The following PTCHD1 variants were observed in gnomAD, a reference collection of about 807,000 sequenced individuals.
The protein encoded by PTCHD1 is patched domain containing 1.
Under a neutral mutation model 34.6 loss-of-function variants are expected in PTCHD1, and 3 were observed. That is an observed-to-expected ratio of 0.09 (90% CI 0.04 to 0.22). PTCHD1 has a LOEUF of 0.22. Among genes scored for constraint, PTCHD1 ranks in the 10% least tolerant of loss-of-function variants. The pLI, the probability that PTCHD1 is intolerant of heterozygous loss-of-function variation, is 1.00. For synonymous variants in PTCHD1, 305 were observed against 283.1 expected (o/e 1.08, Z -0.77); for missense variants, 504 against 685.5 (o/e 0.74, Z 2.96).
intron 1 of PTCHD1, among the ~76,000 whole-genome samples, chrX:23,367,879 C>A (rs1221501419): frequency 9.0e-6 from 1 of 111,526 alleles, no homozygotes; most frequent in Non-Finnish European, 1.9e-5. Flanking sequence ...GTGCTTGCAT[C>A]GTCTGAGACA....
chrX:23,389,774 G>C (rs927390072), intron 2 of PTCHD1, among the ~76,000 whole-genome samples: 3 of 111,757 alleles, frequency 2.7e-5, no homozygotes, highest in African/African-American at 6.5e-5. Context: ...AAGAAAATTA[G>C]AATTCTCTTT....
chrX:23,340,343 T>C (rs975095584), intron 1 of PTCHD1, among the ~76,000 whole-genome samples: 1 of 111,980 alleles, frequency 8.9e-6, no homozygotes, highest in Non-Finnish European at 1.9e-5. Context: ...CTCTCTTCGA[T>C]GGCTCTGTCC....
In PTCHD1 at chrX:23,390,345, A is replaced by C. The variant is rs1335532798; in HGVS notation, c.1013-2186A>C. ...TGGCCCCAGGAAAAAAAAAAAAAAA[A>C]CAAAAAAAACAATATTATTTCTTCA... is the stretch of plus-strand genomic sequence containing the variant. On this transcript the variant is annotated intron_variant, in intron 2 of 2. Transcript: ENST00000379361. Among the ~76,000 whole-genome samples, 5 of 109,059 alleles carry C rather than the reference A, an allele frequency of 4.6e-5. No individual in the cohort carries two copies. In the South Asian group the frequency reaches 2.0e-3, roughly 43 times the overall value. The allele number at this position is 109,059 out of a possible 115,157, so 94.7% of individuals were successfully genotyped here. A position where few individuals can be genotyped will look rare whatever the true frequency, so the allele number is the denominator to read the frequency against.
chrX:23,393,028 G>T lies in PTCHD1; in HGVS notation c.1510G>T (p.Val504Leu). ...WITNTYVKPF[V>L]VLFYLIYISF... ...AACCAACACCTATGTCAAGCCTTTT[G>T]TAGTTCTCTTTTACCTTATTTATAT... Residue 504 changes from valine (V) to leucine (L), a missense_variant, in exon 3 of 3, where the codon GTA becomes TTA. Val to Leu is a conservative substitution (Grantham distance 32). Transcript: ENST00000379361. 8.3e-7 allele frequency: 1 copy of T among 1,211,588 alleles called. No homozygotes were observed.
intron 1 of PTCHD1, among the ~76,000 whole-genome samples, chrX:23,365,062 C>G (rs1049952989): frequency 9.0e-6 from 1 of 111,517 alleles, no homozygotes; most frequent in African/African-American, 3.3e-5. Flanking sequence ...TAGCCTTAAG[C>G]CTTAATGAAA....
chrX:23,373,677 T>C (rs1385561506), intron 1 of PTCHD1, among the ~76,000 whole-genome samples: 2 of 112,074 alleles, frequency 1.8e-5, no homozygotes, highest in African/African-American at 6.5e-5. Flanking sequence ...AGACAGAACA[T>C]AACACCAAGG....
intron 1 of PTCHD1, among the ~76,000 whole-genome samples, chrX:23,339,245 A>C (rs1921246578): frequency 8.9e-6 from 1 of 112,587 alleles, no homozygotes; most frequent in East Asian, 2.8e-4. Context: ...TTACAACTTT[A>C]CAGACAGTTA....
In PTCHD1 at chrX:23,393,975, G is replaced by A. The variant is rs766802508; in HGVS notation, c.2457G>A (p.Leu819=). ...LIPLAAVPSN[L]TCTLFRCLFL... is the part of the protein sequence containing the mutation. ...CTCTTGCAGCTGTGCCTTCAAATCT[G>A]ACCTGTACACTGTTCAGGTGCTTGT... The change falls in exon 3 of 3, where the codon CTG becomes CTA. Residue 819 remains leucine (L), a synonymous_variant. Coordinates refer to ENST00000379361, the MANE Select transcript of PTCHD1 (RefSeq NM_173495.3). 2.5e-6 allele frequency: 3 copies of A among 1,209,637 alleles called. No individual in the cohort carries two copies. In the East Asian group the frequency reaches 8.9e-5, roughly 36 times the overall value.
Position 23,335,154 on chromosome X carries a change from C to T in PTCHD1, c.279C>T (p.Tyr93=). 8.3e-7 allele frequency: 1 copy of T among 1,212,105 alleles called. No homozygotes were observed. Among genetic ancestry groups the T allele is most frequent in the Non-Finnish European group, 1.1e-6 (1 of 895,397 alleles). ...CGGACCTGCAGACCCCCGGGCGCTA[C>T]GGCCGGGTCATCGTCACCTCCTTCC... ...LYSDLQTPGR[Y]GRVIVTSFQK... is the part of the protein sequence containing the mutation. The change falls in exon 1 of 3, where the codon TAC becomes TAT. Residue 93 remains tyrosine (Y), a synonymous_variant. Transcript: ENST00000379361.
At chrX:23,390,344 A>AC (rs2146649717) in intron 2 of PTCHD1, among the ~76,000 whole-genome samples, 1 of 109,598 alleles carries the variant, frequency 9.1e-6, no homozygotes, top group East Asian at 2.8e-4. Context: ...AAAAAAAAAA[A>AC]ACAAAAAAAA....
intron 1 of PTCHD1, among the ~76,000 whole-genome samples, chrX:23,377,575 GGTGTGT>G (rs748957859): frequency 4.0e-3 from 363 of 90,510 alleles, no homozygotes; most frequent in South Asian, 0.013. Flanking sequence ...GCCTCCTAGG[GGTGTGT>G]GTGTGTGTGT....
At chrX:23,357,658 TTTATTA>T (rs199783783) in intron 1 of PTCHD1, among the ~76,000 whole-genome samples, 1 of 110,604 alleles carries the variant, frequency 9.0e-6, no homozygotes, top group Admixed American at 9.6e-5. Context: ...CCACAGCTTT[TTTATTA>T]TTATTATTGT....
At chrX:23,359,094 T>G (rs1921897317) in intron 1 of PTCHD1, among the ~76,000 whole-genome samples, 1 of 112,408 alleles carries the variant, frequency 8.9e-6, no homozygotes, top group Admixed American at 9.4e-5. Context: ...TGCCTCCAGC[T>G]TTGTTCTTTT....
intron 1 of PTCHD1, among the ~76,000 whole-genome samples, chrX:23,372,140 T>G (rs1922294333): frequency 9.1e-6 from 1 of 109,964 alleles, no homozygotes; most frequent in Non-Finnish European, 1.9e-5. Flanking sequence ...ATGAAAAAAT[T>G]AAAACAAGAA....
At chrX:23,365,289 A>G (rs1281128929) in intron 1 of PTCHD1, among the ~76,000 whole-genome samples, 1 of 111,931 alleles carries the variant, frequency 8.9e-6, no homozygotes. Context: ...GTGTTCAAAT[A>G]TGGCTGTGTG....
chrX:23,385,283 G>C (rs1245639321), intron 2 of PTCHD1, among the ~76,000 whole-genome samples: 1 of 111,483 alleles, frequency 9.0e-6, no homozygotes, highest in East Asian at 2.8e-4. Context: ...ATAGGTTTAG[G>C]GGAATGGAAC....
chrX:23,364,560 C>T (rs1922086657), intron 1 of PTCHD1, among the ~76,000 whole-genome samples: 1 of 111,573 alleles, frequency 9.0e-6, no homozygotes, highest in Non-Finnish European at 1.9e-5. Flanking sequence ...TGACATCCAA[C>T]TCACTGCCAT....
At chrX:23,358,546 A>G (rs2060469667) in intron 1 of PTCHD1, among the ~76,000 whole-genome samples, 1 of 111,850 alleles carries the variant, frequency 8.9e-6, no homozygotes, top group Admixed American at 9.4e-5. Flanking sequence ...TCTGGATATT[A>G]GCCCTTTGTC....
chrX:23,339,214 T>G (rs1239957173), intron 1 of PTCHD1, among the ~76,000 whole-genome samples: 1 of 112,493 alleles, frequency 8.9e-6, no homozygotes, highest in Non-Finnish European at 1.9e-5. Flanking sequence ...GAAATGTATT[T>G]ACATAGTGAA....
Sources: allele counts gnomAD v4.1 joint callset (sites outside exome capture counted in the v4.1 genomes callset), GRCh38; gene constraint gnomAD v4.1.1; transcripts MANE v1.5; gene names NCBI Gene and HGNC (gene_info 2026-07-23, HGNC 2026-07-21).